EYA4: variants seen among roughly 807,000 people sequenced by gnomAD.
EYA4 encodes the protein protein phosphatase EYA4.
A neutral mutation model predicts 87.9 loss-of-function variants in EYA4; 31 were observed. That is an observed-to-expected ratio of 0.35 (90% CI 0.27 to 0.48). The LOEUF (loss-of-function observed/expected upper bound fraction) is 0.48. EYA4 is among the 20% of genes least tolerant of loss of function. EYA4 has a pLI of 0.99. For missense variants in EYA4, 678 were observed against 761.4 expected, an observed-to-expected ratio of 0.89 and a Z score of 1.29; for synonymous variants, 263 against 270.6, an observed-to-expected ratio of 0.97 and a Z score of 0.28.
At chr6:133,406,807 A>T (rs1448092639) in intron 3 of EYA4, among the ~76,000 whole-genome samples, 1 of 152,212 alleles carries the variant, frequency 6.6e-6, no homozygotes, top group Non-Finnish European at 1.5e-5. Flanking sequence ...AATGAAAATG[A>T]AATGTATGAA....
intron 2 of EYA4, among the ~76,000 whole-genome samples, chr6:133,281,504 T>C (rs1777623172): frequency 6.6e-6 from 1 of 152,246 alleles, no homozygotes; most frequent in South Asian, 2.1e-4. Context: ...CCTTCACAAA[T>C]ACTTACTCCT....
At chr6:133,426,931 T>C (rs113968752) in intron 3 of EYA4, among the ~76,000 whole-genome samples, 2,570 of 152,330 alleles carry the variant, frequency 0.017, 79 homozygotes, top group African/African-American at 0.058. Flanking sequence ...TCAAAGCGAA[T>C]AGAAGTTACA....
chr6:133,373,860 A>G (rs1318658470), intron 2 of EYA4, among the ~76,000 whole-genome samples: 2 of 152,040 alleles, frequency 1.3e-5, no homozygotes, highest in Non-Finnish European at 2.9e-5. Flanking sequence ...TCTTTTTTCC[A>G]ATCTTAGAAT....
chr6:133,259,002 G>A (rs1052697226), intron 1 of EYA4, among the ~76,000 whole-genome samples: 2 of 151,646 alleles, frequency 1.3e-5, no homozygotes, highest in African/African-American at 2.4e-5. Flanking sequence ...TTTTTATTTG[G>A]GTATAAATGT....
At chr6:133,313,505 G>A (rs554832821) in intron 2 of EYA4, among the ~76,000 whole-genome samples, 3 of 152,192 alleles carry the variant, frequency 2.0e-5, no homozygotes, top group South Asian at 2.1e-4. Context: ...CTGATCTACA[G>A]TATATTTTCT....
intron 4 of EYA4, 91 bp downstream of exon 4, chr6:133,446,845 T>A: frequency 8.7e-7 from 1 of 1,148,598 alleles, no homozygotes; most frequent in South Asian, 1.3e-5. Context: ...ATAAATATCT[T>A]ATTATCAATA....
chr6:133,370,215 C>G (rs1306924885), intron 2 of EYA4, among the ~76,000 whole-genome samples: 1 of 152,202 alleles, frequency 6.6e-6, no homozygotes, highest in Non-Finnish European at 1.5e-5. Context: ...GAACTTCACA[C>G]ACACGCACTA....
chr6:133,411,006 A>G (rs1789181702), intron 3 of EYA4, among the ~76,000 whole-genome samples: 2 of 131,520 alleles, frequency 1.5e-5, no homozygotes, highest in Admixed American at 8.7e-5. Context: ...CCACCCCCTG[A>G]CTTTCTGCCC....
chr6:133,264,699 G>A (rs1409906021), intron 1 of EYA4, among the ~76,000 whole-genome samples: 1 of 152,188 alleles, frequency 6.6e-6, no homozygotes, highest in Non-Finnish European at 1.5e-5. Flanking sequence ...GAGGTTTAGC[G>A]TTTCCATGTG....
chr6:133,304,827 G>C (rs545027831), intron 2 of EYA4, among the ~76,000 whole-genome samples: 4 of 152,128 alleles, frequency 2.6e-5, no homozygotes, highest in Non-Finnish European at 4.4e-5. Context: ...TAGGCCTTGG[G>C]AATACAGCAC....
intron 3 of EYA4, among the ~76,000 whole-genome samples, chr6:133,412,439 C>T (rs1789324137): frequency 6.6e-6 from 1 of 152,158 alleles, no homozygotes; most frequent in Non-Finnish European, 1.5e-5. Flanking sequence ...CACAATCATA[C>T]CCCTTCTTCC....
At chr6:133,277,488 G>A (rs1777273627) in intron 2 of EYA4, among the ~76,000 whole-genome samples, 1 of 152,234 alleles carries the variant, frequency 6.6e-6, no homozygotes, top group Non-Finnish European at 1.5e-5. Context: ...CCTCTATGGA[G>A]TGGAAGGATA....
intron 13 of EYA4, among the ~76,000 whole-genome samples, chr6:133,493,053 TCA>T (rs952540229): frequency 2.0e-5 from 3 of 152,074 alleles, no homozygotes; most frequent in African/African-American, 7.2e-5. Context: ...TTCAATGCAA[TCA>T]CTATCAAAAT....
chr6:133,525,421 G>C (rs1800555210), intron 19 of EYA4, among the ~76,000 whole-genome samples, 167 bp downstream of exon 19: 1 of 152,128 alleles, frequency 6.6e-6, no homozygotes, highest in South Asian at 2.1e-4. Flanking sequence ...ACCATTTGGA[G>C]TTTAGCATTT....
intron 3 of EYA4, among the ~76,000 whole-genome samples, chr6:133,403,587 GA>G (rs1460368346): frequency 6.6e-6 from 1 of 152,134 alleles, no homozygotes; most frequent in Non-Finnish European, 1.5e-5. Context: ...TGTTCATTAA[GA>G]AAGATTACAT....
intron 2 of EYA4, among the ~76,000 whole-genome samples, chr6:133,351,155 G>A (rs533873834): frequency 5.4e-4 from 82 of 152,250 alleles, no homozygotes; most frequent in African/African-American, 1.8e-3. Context: ...TTTTTAAATG[G>A]TATTATAGTG....
rs901368750 is a variant in EYA4, at chr6:133,459,320, T to G, written c.371-1794T>G. Among the ~76,000 whole-genome samples, 13 of 152,240 alleles carry G rather than the reference T, an allele frequency of 8.5e-5. 1 individual carries two copies. The East Asian group carries it at 1.7e-3, about 20-fold the overall frequency. On this transcript the variant is annotated intron_variant, in intron 6 of 19. Transcript: ENST00000355286. ...TTCTAATGATGTTTAGATTTATCATTAGAAGAAACATCCTATATATTCAGA... is the reference window on the plus strand; with the variant it reads ...TTCTAATGATGTTTAGATTTATCATGAGAAGAAACATCCTATATATTCAGA...
chr6:133,480,832 T>TAAG (rs150745633), intron 11 of EYA4, among the ~76,000 whole-genome samples: 4,497 of 152,262 alleles, frequency 0.03, 254 homozygotes, highest in East Asian at 0.18. Flanking sequence ...TGCACTATTC[T>TAAG]AAGAAGTTTT....
chr6:133,244,409 A>G (rs1278387771), intron 1 of EYA4, among the ~76,000 whole-genome samples: 1 of 152,098 alleles, frequency 6.6e-6, no homozygotes, highest in East Asian at 1.9e-4. Context: ...AAGTTTTAAA[A>G]TTTTTAAAAT....
Sources: allele counts gnomAD v4.1 joint callset (sites outside exome capture counted in the v4.1 genomes callset), GRCh38; gene constraint gnomAD v4.1.1; transcripts MANE v1.5; gene names NCBI Gene and HGNC (gene_info 2026-07-23, HGNC 2026-07-21).